Variants in CELF2 observed in about 807,000 individuals in gnomAD.
CELF2 encodes CUGBP Elav-like family member 2, also known as CUG triplet repeat RNA-binding protein 2.
A neutral mutation model predicts 62.6 loss-of-function variants in CELF2; 8 were observed. That is an observed-to-expected ratio of 0.13 (90% CI 0.07 to 0.23). The LOEUF is 0.23. Ranked by LOEUF, CELF2 falls within the 10% of genes least tolerant of loss-of-function variation. The probability of loss-of-function intolerance (pLI) is 1.00; values close to 1 mark genes in which losing one functional copy is unlikely to be tolerated. For synonymous variants in CELF2, 258 were observed against 250.0 expected, an observed-to-expected ratio of 1.03 and a Z score of -0.30; for missense variants, 333 against 671.0, an observed-to-expected ratio of 0.50 and a Z score of 5.56.
intron 4 of CELF2, 74 bp from the exon 5 acceptor site, chr10:11,257,664 T>TG: frequency 6.5e-7 from 1 of 1,541,010 alleles, no homozygotes; most frequent in Non-Finnish European, 8.9e-7. Context: ...CCTGGTTTGA[T>TG]GGGGTAATGA....
intron 1 of CELF2, among the ~76,000 whole-genome samples, chr10:10,879,149 G>A (rs186342208): frequency 3.4e-4 from 52 of 152,226 alleles, no homozygotes; most frequent in Admixed American, 2.3e-3. Flanking sequence ...AAGCCTGCAC[G>A]GCAGTGTACT....
At chr10:10,647,402 A>C in the CELF2 span, among the ~76,000 whole-genome samples, 3 of 152,206 alleles carry the variant, frequency 2.0e-5, no homozygotes, top group Admixed American at 2.0e-4. Flanking sequence ...CAACTCTCCC[A>C]GGTCTTTCTG....
chr10:10,693,193 T>A, the CELF2 span, among the ~76,000 whole-genome samples: 1 of 115,646 alleles, frequency 8.6e-6, no homozygotes, highest in Non-Finnish European at 1.8e-5. Context: ...CATCAATACC[T>A]AATTTATTGA....
chr10:10,789,430 A>G, the CELF2 span, among the ~76,000 whole-genome samples: 1 of 152,238 alleles, frequency 6.6e-6, no homozygotes, highest in Non-Finnish European at 1.5e-5. Flanking sequence ...TAGCTTATTA[A>G]TATAATTAAT....
rs1387245037 is a variant in CELF2 at position 11,306,760 on chromosome 10, T to C, written c.977-7379T>C. The stretch of plus-strand genomic sequence containing the variant: ...TTCTTCTCCCTCCTTTTCTTCACCG[T>C]CTCCCCAACTTTCTACTGGGACCGT... On this transcript the variant is annotated intron_variant, in intron 9 of 12. Transcript: ENST00000633077. This position sits in a 1 kb window ranked among gnomAD's most constrained non-coding sequence, Gnocchi z 4.4. 6.6e-6 allele frequency among the ~76,000 whole-genome samples: 1 copy of C among 152,076 alleles called. No individual in the cohort carries two copies. The highest frequency in any genetic ancestry group is 1.5e-5 in the Non-Finnish European group (1 of 68,016).
chr10:10,944,089 C>A (rs2047373831), intron 2 of CELF2: 1 of 152,560 alleles, frequency 6.6e-6, no homozygotes, highest in South Asian at 2.1e-4. Flanking sequence ...TGACTTTGAG[C>A]CTTGTAAGTC....
chr10:10,955,904 A>G (rs2048834004), intron 2 of CELF2, among the ~76,000 whole-genome samples: 1 of 152,184 alleles, frequency 6.6e-6, no homozygotes. Flanking sequence ...GCGACTTGCT[A>G]GCATCCCATG....
At chr10:10,565,994 A>T in the CELF2 span, among the ~76,000 whole-genome samples, 1 of 152,140 alleles carries the variant, frequency 6.6e-6, no homozygotes, top group East Asian at 1.9e-4. Flanking sequence ...CTTTTCTTGC[A>T]CTTGAGAAGC....
the CELF2 span, among the ~76,000 whole-genome samples, chr10:10,530,186 C>T: frequency 1.3e-5 from 2 of 152,110 alleles, no homozygotes; most frequent in Non-Finnish European, 2.9e-5. Context: ...GAAAGAACAG[C>T]CTCTCCATAG....
At chr10:10,703,811 A>T in the CELF2 span, among the ~76,000 whole-genome samples, 1 of 152,224 alleles carries the variant, frequency 6.6e-6, no homozygotes, top group African/African-American at 2.4e-5. Context: ...TTCTCAGACG[A>T]GGGAGAATTG....
chr10:10,980,664 C>T (rs960551985), intron 2 of CELF2, among the ~76,000 whole-genome samples: 6 of 152,250 alleles, frequency 3.9e-5, no homozygotes, highest in Non-Finnish European at 7.3e-5. Context: ...GATCTCCTAA[C>T]GGTCTCTCGC....
chr10:10,592,599 T>C, the CELF2 span, among the ~76,000 whole-genome samples: 10 of 152,176 alleles, frequency 6.6e-5, no homozygotes, highest in Non-Finnish European at 1.5e-4. Flanking sequence ...TCTTATAAGA[T>C]AAGACAAATA....
chr10:11,284,601 G>A (rs944391378), intron 8 of CELF2, among the ~76,000 whole-genome samples: 1 of 151,324 alleles, frequency 6.6e-6, no homozygotes, highest in Non-Finnish European at 1.5e-5. Context: ...GTGAATGATG[G>A]ATAGATAGAT....
At chr10:10,675,604 T>G in the CELF2 span, among the ~76,000 whole-genome samples, 1 of 152,094 alleles carries the variant, frequency 6.6e-6, no homozygotes, top group Admixed American at 6.6e-5. Context: ...ACACATTTTA[T>G]GTCTTTTTTT....
At chr10:10,722,975 A>G in the CELF2 span, among the ~76,000 whole-genome samples, 1 of 152,214 alleles carries the variant, frequency 6.6e-6, no homozygotes, top group Non-Finnish European at 1.5e-5. Context: ...GGATGTTGAT[A>G]TTCATCTTAT....
rs554612497 is a variant in CELF2, at chr10:10,955,667, T to C, written c.89+35668T>C. Among the ~76,000 whole-genome samples, 5 of 152,346 alleles carry C rather than the reference T, an allele frequency of 3.3e-5. No homozygotes were observed. The East Asian group carries it at 7.7e-4, about 23-fold the overall frequency. On this transcript the variant is annotated intron_variant, in intron 2 of 13. Coordinates refer to the CELF2 transcript ENST00000636488. Reference sequence around the variant, plus strand: ...AGGTCACACAGCGAGTAAAGTGAGCTGGGGCTGAAATTTAAACCCAGATAG... The same window carrying C: ...AGGTCACACAGCGAGTAAAGTGAGCCGGGGCTGAAATTTAAACCCAGATAG...
Position 11,321,513 on chromosome 10 carries a change from C to T in CELF2, c.1294+127C>T. ...AACAGAAAGCAGTTGTTTTGTTATT[C>T]ATGTTTAAAAAAAAAAAAAACTGAA... On this transcript the variant is annotated intron_variant, in intron 11 of 12. Coordinates refer to ENST00000633077, the MANE Select transcript of CELF2 (RefSeq NM_001326342.2). This position sits in a 1 kb window ranked among gnomAD's most constrained non-coding sequence, Gnocchi z 6.2. 1.4e-6 allele frequency: 1 copy of T among 696,464 alleles called. No individual in the cohort carries two copies. The highest frequency in any genetic ancestry group is 2.2e-6 in the Non-Finnish European group (1 of 455,092). The allele number at this position is 696,464 out of a possible 1,614,324, so 43.1% of individuals were successfully genotyped here.
At chr10:11,018,235 G>T in intron 1 of CELF2, 72 bp downstream of exon 1, 1 of 1,330,738 alleles carries the variant, frequency 7.5e-7, no homozygotes, top group South Asian at 1.4e-5. Flanking sequence ...CGAAGGGGAC[G>T]GGCGTCGCCC....
the CELF2 span, among the ~76,000 whole-genome samples, chr10:10,525,981 A>G: frequency 1.3e-5 from 2 of 152,216 alleles, no homozygotes; most frequent in African/African-American, 2.4e-5. Flanking sequence ...CATTCTGCCA[A>G]CGTGTGTTGT....
Sources: allele counts gnomAD v4.1 joint callset (sites outside exome capture counted in the v4.1 genomes callset), GRCh38; gene constraint gnomAD v4.1.1; non-coding constraint Gnocchi (gnomAD v3.1); transcripts MANE v1.5; gene names NCBI Gene and HGNC (gene_info 2026-07-23, HGNC 2026-07-21).